Variants in CNTN5 observed in about 807,000 individuals in gnomAD.
CNTN5 encodes the protein contactin-5.
Under a neutral mutation model 129.1 loss-of-function variants are expected in CNTN5, and 77 were observed. That is an observed-to-expected ratio of 0.60 (90% CI 0.50 to 0.72). The LOEUF (loss-of-function observed/expected upper bound fraction) is 0.72, where lower values mean the gene tolerates loss of function less well. Among genes scored for constraint, CNTN5 ranks in the 30% least tolerant of loss-of-function variants. The pLI, the probability that CNTN5 is intolerant of heterozygous loss-of-function variation, is 0.00. For synonymous variants in CNTN5, 509 were observed against 465.6 expected (o/e 1.09, Z -1.20); for missense variants, 1,478 against 1,328.8 (o/e 1.11, Z -1.75).
chr11:99,635,848 T>C (rs1951530440), intron 3 of CNTN5, among the ~76,000 whole-genome samples: 1 of 152,156 alleles, frequency 6.6e-6, no homozygotes, highest in African/African-American at 2.4e-5. Flanking sequence ...AGTCACTTTA[T>C]TTATAAAAGT....
At position 99,451,942 on chromosome 11, in the gene CNTN5, C is replaced by T. The variant is rs116528582; in HGVS notation, c.-70-104203C>T. ...CCCTAATGGAGAAACAATTAATTTC[C>T]TTCTAACCATTACATTTATTTGTTC... On this transcript the variant is annotated intron_variant, in intron 2 of 24. Coordinates refer to ENST00000524871, the MANE Select transcript of CNTN5 (RefSeq NM_014361.4). Among the ~76,000 whole-genome samples the T allele has an allele frequency of 3.4e-3, 511 of 152,168 alleles. 3 individuals carry two copies. The highest frequency in any genetic ancestry group is 0.012 in the African/African-American group (485 of 41,538).
intron 3 of CNTN5, among the ~76,000 whole-genome samples, chr11:99,737,692 G>A (rs1250938291): frequency 6.6e-6 from 1 of 152,066 alleles, no homozygotes; most frequent in Non-Finnish European, 1.5e-5. Context: ...TAAAATTGGT[G>A]TAATTCCAAA....
At chr11:99,775,356 G>A (rs1945087702) in intron 3 of CNTN5, among the ~76,000 whole-genome samples, 1 of 120,498 alleles carries the variant, frequency 8.3e-6, no homozygotes, top group Non-Finnish European at 1.9e-5. Flanking sequence ...GATTTCCTGG[G>A]GATAAATGGT....
chr11:100,024,441 A>G (rs1941309562), intron 9 of CNTN5, among the ~76,000 whole-genome samples: 1 of 152,080 alleles, frequency 6.6e-6, no homozygotes, highest in Non-Finnish European at 1.5e-5. Context: ...GGAGTGGGGC[A>G]CTGCTATAAT....
At chr11:99,913,651 C>G (rs1210951329) in intron 6 of CNTN5, among the ~76,000 whole-genome samples, 1 of 151,936 alleles carries the variant, frequency 6.6e-6, no homozygotes, top group Non-Finnish European at 1.5e-5. Context: ...CAATTTAGGT[C>G]ATAGTTATTC....
intron 1 of CNTN5, among the ~76,000 whole-genome samples, chr11:99,275,034 A>G (rs1863359746): frequency 6.6e-6 from 1 of 151,512 alleles, no homozygotes; most frequent in Non-Finnish European, 1.5e-5. Flanking sequence ...TATTTAAGAC[A>G]TAACTTGGAC....
intron 1 of CNTN5, among the ~76,000 whole-genome samples, chr11:99,236,743 A>G (rs1861292856): frequency 6.6e-6 from 1 of 152,164 alleles, no homozygotes; most frequent in African/African-American, 2.4e-5. Context: ...CAAATTACAT[A>G]CGATCGAAGT....
intron 2 of CNTN5, among the ~76,000 whole-genome samples, chr11:99,396,437 T>C (rs1287777118): frequency 2.6e-5 from 4 of 151,662 alleles, no homozygotes; most frequent in African/African-American, 9.7e-5. Flanking sequence ...ATGTTATTTA[T>C]AGTTGTGGTT....
At chr11:99,865,362 G>A (rs1197245861) in intron 6 of CNTN5, among the ~76,000 whole-genome samples, 2 of 151,784 alleles carry the variant, frequency 1.3e-5, no homozygotes, top group Admixed American at 6.6e-5. Context: ...AAAAATGCCA[G>A]GAATCAGAAG....
intron 3 of CNTN5, among the ~76,000 whole-genome samples, chr11:99,639,436 A>C (rs1951684601): frequency 6.6e-6 from 1 of 152,092 alleles, no homozygotes; most frequent in Non-Finnish European, 1.5e-5. Flanking sequence ...AGCCAGCTTA[A>C]ATTTCTTCCC....
intron 13 of CNTN5, among the ~76,000 whole-genome samples, chr11:100,160,285 G>A (rs529483385): frequency 6.2e-4 from 94 of 152,078 alleles, no homozygotes; most frequent in African/African-American, 1.6e-3. Context: ...ATTCCATGGA[G>A]TGGATTTGCC....
intron 13 of CNTN5, among the ~76,000 whole-genome samples, chr11:100,170,748 G>A (rs1390742874): frequency 1.3e-5 from 2 of 151,766 alleles, no homozygotes; most frequent in Non-Finnish European, 2.9e-5. Flanking sequence ...TCTTTTCTTT[G>A]CTCTGAGACT....
At chr11:99,800,045 A>G (rs1452945514) in intron 3 of CNTN5, among the ~76,000 whole-genome samples, 1 of 151,570 alleles carries the variant, frequency 6.6e-6, no homozygotes, top group Non-Finnish European at 1.5e-5. Flanking sequence ...TAGTTCCTCT[A>G]TCTGGTATGT....
chr11:99,187,768 T>A (rs183260370), intron 1 of CNTN5, among the ~76,000 whole-genome samples: 151 of 151,962 alleles, frequency 9.9e-4, no homozygotes, highest in African/African-American at 3.4e-3. Context: ...AATATTTAAA[T>A]TGGTGAGTTG....
intron 17 of CNTN5, among the ~76,000 whole-genome samples, chr11:100,263,410 G>A (rs1028683119): frequency 1.3e-5 from 2 of 152,066 alleles, no homozygotes. Context: ...AATATCAGAA[G>A]GAGAAAATTT....
At chr11:100,298,704 G>A (rs1951150736) in intron 19 of CNTN5, among the ~76,000 whole-genome samples, 1 of 151,072 alleles carries the variant, frequency 6.6e-6, no homozygotes, top group Non-Finnish European at 1.5e-5. Flanking sequence ...TTTCATGTCA[G>A]TAACCATAAA....
chr11:99,847,997 G>A (rs1177663088), intron 6 of CNTN5, among the ~76,000 whole-genome samples: 1 of 152,188 alleles, frequency 6.6e-6, no homozygotes, highest in Non-Finnish European at 1.5e-5. Context: ...CGGATCACGA[G>A]TTCAGGAGTT....
intron 1 of CNTN5, among the ~76,000 whole-genome samples, chr11:99,093,353 A>G: frequency 6.6e-6 from 1 of 152,098 alleles, no homozygotes; most frequent in East Asian, 1.9e-4. Context: ...TCTCTGAAGG[A>G]TAGGAAGCAA....
At chr11:99,306,019 G>A (rs562278035) in intron 1 of CNTN5, among the ~76,000 whole-genome samples, 2 of 152,046 alleles carry the variant, frequency 1.3e-5, no homozygotes, top group African/African-American at 4.8e-5. Context: ...CTTGAAAGAT[G>A]TCTAGAAGAA....
Sources: allele counts gnomAD v4.1 joint callset (sites outside exome capture counted in the v4.1 genomes callset), GRCh38; gene constraint gnomAD v4.1.1; transcripts MANE v1.5; gene names NCBI Gene and HGNC (gene_info 2026-07-23, HGNC 2026-07-21).